Variants in FAM78B observed in about 807,000 individuals in gnomAD.
FAM78B encodes the protein family with sequence similarity 78 member B, also known as protein FAM78B.
FAM78B carries 10 observed loss-of-function variants against 20.0 expected under a neutral mutation model. That is an observed-to-expected ratio of 0.50 (90% confidence interval 0.31 to 0.85). The LOEUF (loss-of-function observed/expected upper bound fraction) is 0.85, where lower values mean the gene tolerates loss of function less well. Among genes scored for constraint, FAM78B ranks in the 40% least tolerant of loss-of-function variants. The probability of loss-of-function intolerance (pLI) is 0.05; values close to 1 mark genes in which losing one functional copy is unlikely to be tolerated. For synonymous variants in FAM78B, 135 were observed against 132.8 expected (o/e 1.02, Z -0.12); for missense variants, 283 against 345.0 (o/e 0.82, Z 1.42).
At chr1:166,063,284 G>C (rs770221953) in intron 2 of FAM78B, among the ~76,000 whole-genome samples, 1 of 152,208 alleles carries the variant, frequency 6.6e-6, no homozygotes, top group Non-Finnish European at 1.5e-5. Flanking sequence ...AGTATTCAGA[G>C]GGATACCACA....
downstream of FAM78B, among the ~76,000 whole-genome samples, chr1:166,068,732 A>G (rs1249486592): frequency 6.6e-6 from 1 of 152,182 alleles, no homozygotes; most frequent in East Asian, 1.9e-4. Context: ...TAAATCCACA[A>G]TGACAATGTG....
At chr1:166,083,005 C>T (rs1485347924) in intron 1 of FAM78B, among the ~76,000 whole-genome samples, 1 of 152,200 alleles carries the variant, frequency 6.6e-6, no homozygotes, top group Non-Finnish European at 1.5e-5. Flanking sequence ...AACACACATT[C>T]AATCCAGCCC....
chr1:166,101,997 T>A (rs1316434886), intron 1 of FAM78B, among the ~76,000 whole-genome samples: 1 of 152,178 alleles, frequency 6.6e-6, no homozygotes, highest in African/African-American at 2.4e-5. Context: ...CCCATCAGAC[T>A]AACAGCTGAA....
intron 1 of FAM78B, among the ~76,000 whole-genome samples, chr1:166,077,896 T>TACAAAATAA (rs1557890986): frequency 9.2e-3 from 75 of 8,122 alleles, no homozygotes; most frequent in South Asian, 0.057. Context: ...TAAATATATA[T>TACAAAATAA]AATTTATATA....
intron 1 of FAM78B, among the ~76,000 whole-genome samples, chr1:166,140,898 G>C (rs1432693842): frequency 6.6e-6 from 1 of 152,202 alleles, no homozygotes; most frequent in South Asian, 2.1e-4. Flanking sequence ...AACCCTGTGA[G>C]GCAGGTAATA....
At chr1:166,056,767 T>A (rs1354107835), downstream of FAM78B, among the ~76,000 whole-genome samples, 2 of 152,196 alleles carry the variant, frequency 1.3e-5, no homozygotes, top group African/African-American at 4.8e-5. Flanking sequence ...TATCCTCTGA[T>A]TCTAGAATGT....
At chr1:166,062,636 C>A (rs933754914) in intron 2 of FAM78B, among the ~76,000 whole-genome samples, 1 of 152,188 alleles carries the variant, frequency 6.6e-6, no homozygotes, top group Non-Finnish European at 1.5e-5. Context: ...CCTCTCAGTC[C>A]CTGCTCATCT....
chr1:166,095,247 C>T (rs995964890), intron 1 of FAM78B, among the ~76,000 whole-genome samples: 9 of 152,078 alleles, frequency 5.9e-5, no homozygotes, highest in African/African-American at 2.2e-4. Flanking sequence ...GGGCTCCCTT[C>T]CCTTGAGCAT....
chr1:166,146,268 ACTCAGGGTTTTACGGCAT>A (rs1655451386), intron 1 of FAM78B, among the ~76,000 whole-genome samples: 1 of 151,986 alleles, frequency 6.6e-6, no homozygotes, highest in Admixed American at 6.6e-5. Context: ...TATTTTCTTC[ACTCAGGGTTTTACGGCAT>A]CTGGGATCAC....
At chr1:166,076,645 G>C (rs1652288748) in intron 1 of FAM78B, among the ~76,000 whole-genome samples, 1 of 152,092 alleles carries the variant, frequency 6.6e-6, no homozygotes, top group Non-Finnish European at 1.5e-5. Context: ...CCTAAGGCAA[G>C]GATTTTTATA....
chr1:166,079,046 C>G (rs1185867040), intron 1 of FAM78B, among the ~76,000 whole-genome samples: 2 of 151,956 alleles, frequency 1.3e-5, no homozygotes, highest in Non-Finnish European at 2.9e-5. Flanking sequence ...ATCCTCCCGC[C>G]TCAGCCTCTG....
At chr1:166,157,035 GA>G (rs1177614174) in intron 1 of FAM78B, among the ~76,000 whole-genome samples, 1,819 of 3,384 alleles carry the variant, frequency 0.54, 478 homozygotes, top group Admixed American at 0.65. Flanking sequence ...GGGGGCGGCG[GA>G]GGGGGGGGGG....
rs544257588 is a variant in FAM78B at position 166,100,099 on chromosome 1, C to T, written c.264-29336G>A. Among the ~76,000 whole-genome samples, 4 of 152,260 alleles carry T rather than the reference C, an allele frequency of 2.6e-5. No individual in the cohort carries two copies. In the South Asian group the frequency reaches 8.3e-4, roughly 32 times the overall value. ...GTGGAATAAAACTGGAAATCAACTC[C>T]AAAAGGAACCTTCAAAACCATCCAA... On this transcript the variant is annotated intron_variant, in intron 1 of 1. Transcript: ENST00000354422.
intron 1 of FAM78B, among the ~76,000 whole-genome samples, chr1:166,145,695 A>AT (rs1286820715): frequency 1.3e-5 from 2 of 152,204 alleles, no homozygotes; most frequent in African/African-American, 4.8e-5. Flanking sequence ...AGTCAGACAC[A>AT]TTTTTGGCAT....
chr1:166,060,281 G>A (rs1394668364), exon 3 of FAM78B: 1 of 265,954 alleles, frequency 3.8e-6, no homozygotes, highest in African/African-American at 2.2e-5. Flanking sequence ...GGTATTTAAA[G>A]TCCAGGCTGA....
intron 1 of FAM78B, among the ~76,000 whole-genome samples, chr1:166,073,530 TTCTC>T (rs201250908): frequency 4.4e-4 from 60 of 136,012 alleles, no homozygotes; most frequent in South Asian, 2.6e-3. Flanking sequence ...TCCTTTCTCT[TTCTC>T]TCTTTTTTTT....
intron 1 of FAM78B, among the ~76,000 whole-genome samples, chr1:166,085,545 C>G (rs1652795754): frequency 6.6e-6 from 1 of 152,210 alleles, no homozygotes; most frequent in African/African-American, 2.4e-5. Context: ...TCTCCAAGAT[C>G]AATCAGGAGT....
At chr1:166,077,797 A>C (rs1482067768) in intron 1 of FAM78B, among the ~76,000 whole-genome samples, 1 of 130,978 alleles carries the variant, frequency 7.6e-6, no homozygotes, top group Non-Finnish European at 1.6e-5. Context: ...ACATATAATT[A>C]TATATATTTA....
At position 166,085,740 on chromosome 1, in the gene FAM78B, C is replaced by T. The variant is rs1406499148; in HGVS notation, c.264-14977G>A. Among the ~76,000 whole-genome samples the T allele has an allele frequency of 2.0e-5, 3 of 152,330 alleles. No individual in the cohort carries two copies. In the South Asian group the frequency reaches 6.2e-4, roughly 32 times the overall value. ...GTGACTATGACCAGAAAGAACATAA[C>T]CGACAGGGTCTGGGTACCTGGGAGT... On this transcript the variant is annotated intron_variant, in intron 1 of 1. Coordinates refer to ENST00000354422, the MANE Select transcript of FAM78B (RefSeq NM_001017961.5).
Sources: allele counts gnomAD v4.1 joint callset (sites outside exome capture counted in the v4.1 genomes callset), GRCh38; gene constraint gnomAD v4.1.1; transcripts MANE v1.5; gene names NCBI Gene and HGNC (gene_info 2026-07-23, HGNC 2026-07-21).